The following CNTNAP4 variants were observed in gnomAD, a reference collection of about 807,000 sequenced individuals.
The protein encoded by CNTNAP4 is contactin-associated protein-like 4.
Under a neutral mutation model 148.4 loss-of-function variants are expected in CNTNAP4, and 98 were observed. The observed-to-expected ratio is 0.66, with a 90% CI of 0.56 to 0.78. The LOEUF (loss-of-function observed/expected upper bound fraction) is 0.78, where lower values mean the gene tolerates loss of function less well. CNTNAP4 is among the 30% of genes least tolerant of loss of function. The pLI is 0.00. For synonymous variants in CNTNAP4, 730 were observed against 565.1 expected, an observed-to-expected ratio of 1.29 and a Z score of -4.14; for missense variants, 1,935 against 1,565.6, an observed-to-expected ratio of 1.24 and a Z score of -3.98.
intron 17 of CNTNAP4, among the ~76,000 whole-genome samples, chr16:76,528,900 G>A (rs2083855379): frequency 6.6e-6 from 1 of 152,182 alleles, no homozygotes. Context: ...CAGATCAGAA[G>A]GCTTTTGAGC....
intron 4 of CNTNAP4, among the ~76,000 whole-genome samples, chr16:76,446,705 C>T (rs977069330): frequency 6.6e-6 from 1 of 152,070 alleles, no homozygotes; most frequent in Non-Finnish European, 1.5e-5. Context: ...TAGTATTGCC[C>T]TTAAATACTA....
chr16:76,421,338 C>T (rs902880325), intron 3 of CNTNAP4, among the ~76,000 whole-genome samples: 7 of 151,922 alleles, frequency 4.6e-5, no homozygotes, highest in South Asian at 2.1e-4. Flanking sequence ...ATGTATTATA[C>T]GTGCAGCTCA....
intron 15 of CNTNAP4, among the ~76,000 whole-genome samples, chr16:76,517,639 A>G (rs963797747): frequency 1.3e-5 from 2 of 152,236 alleles, no homozygotes; most frequent in African/African-American, 4.8e-5. Context: ...TGTTTTTTAA[A>G]TACTGTTCCT....
At chr16:76,555,893 A>T (rs1183633230) in intron 23 of CNTNAP4, among the ~76,000 whole-genome samples, 1 of 152,184 alleles carries the variant, frequency 6.6e-6, no homozygotes, top group Non-Finnish European at 1.5e-5. Flanking sequence ...GAAGCAGAGC[A>T]TCTGGTAATG....
At chr16:76,415,417 C>T (rs1205202324) in intron 3 of CNTNAP4, among the ~76,000 whole-genome samples, 3 of 150,812 alleles carry the variant, frequency 2.0e-5, no homozygotes, top group Non-Finnish European at 4.5e-5. Flanking sequence ...ATAAAATAAT[C>T]ATAGGCTATT....
In CNTNAP4 at chr16:76,355,365, C is replaced by T; in HGVS notation, c.244C>T (p.Gln82Ter). The change falls in exon 3 of 24, where the codon CAG becomes TAG. Residue 82 changes from glutamine (Q) to a stop codon, truncating the protein, a stop_gained. Coordinates refer to ENST00000611870, the MANE Select transcript of CNTNAP4 (RefSeq NM_033401.5). LOFTEE classifies it high-confidence loss of function. ...PLVSNKYQWL[Q>*]IDLGERMEVT... ...TGTGTCTAACAAATACCAGTGGTTG[C>T]AGATTGACCTTGGAGAGAGAATGGA... is the stretch of plus-strand genomic sequence containing the variant. The T allele has an allele frequency of 6.2e-7, 1 of 1,603,674 alleles. No individual in the cohort carries two copies. The highest frequency in any genetic ancestry group is 8.5e-7 in the Non-Finnish European group (1 of 1,174,630).
intron 3 of CNTNAP4, among the ~76,000 whole-genome samples, chr16:76,381,824 G>T (rs1353935298): frequency 6.6e-6 from 1 of 152,124 alleles, no homozygotes; most frequent in African/African-American, 2.4e-5. Flanking sequence ...ACTTTGGGAG[G>T]CCAAGGTGGA....
At chr16:76,497,404 A>T (rs1234852756) in intron 14 of CNTNAP4, among the ~76,000 whole-genome samples, 1 of 152,198 alleles carries the variant, frequency 6.6e-6, no homozygotes, top group Admixed American at 6.5e-5. Context: ...TACAATAAAT[A>T]TAGCTAAAAT....
chr16:76,310,667 G>C (rs7201435), intron 1 of CNTNAP4, among the ~76,000 whole-genome samples: 41,880 of 152,046 alleles, frequency 0.28, 6,374 homozygotes, highest in Non-Finnish European at 0.35. Context: ...AGTCTGTTCT[G>C]TAATGGATAT....
intron 4 of CNTNAP4, among the ~76,000 whole-genome samples, chr16:76,441,904 C>G (rs1162211357): frequency 1.3e-5 from 2 of 152,084 alleles, no homozygotes; most frequent in Non-Finnish European, 2.9e-5. Flanking sequence ...CCTAAGAAGA[C>G]TATACTATTA....
At chr16:76,429,540 T>G (rs749889503) in intron 4 of CNTNAP4, among the ~76,000 whole-genome samples, 22 of 152,190 alleles carry the variant, frequency 1.4e-4, no homozygotes, top group South Asian at 4.1e-4. Flanking sequence ...ACCCTTAGTA[T>G]GCATTAAACC....
At chr16:76,499,503 T>C (rs988459213) in intron 15 of CNTNAP4, among the ~76,000 whole-genome samples, 2 of 152,072 alleles carry the variant, frequency 1.3e-5, no homozygotes, top group African/African-American at 4.8e-5. Flanking sequence ...CGCTGTTTAT[T>C]TCTATAGAGC....
intron 12 of CNTNAP4, among the ~76,000 whole-genome samples, chr16:76,482,767 C>T (rs901142114): frequency 2.0e-5 from 3 of 152,164 alleles, no homozygotes; most frequent in Admixed American, 6.5e-5. Context: ...AGTACAAATG[C>T]CCAGACAGCA....
intron 2 of CNTNAP4, among the ~76,000 whole-genome samples, chr16:76,333,779 G>GTTT (rs549878036): frequency 1.5e-3 from 68 of 45,548 alleles, no homozygotes; most frequent in Admixed American, 1.6e-3. Context: ...TGGGTTATAG[G>GTTT]TTTTTTTTTT....
chr16:76,482,866 A>T (rs1174485437), intron 12 of CNTNAP4, among the ~76,000 whole-genome samples: 1 of 152,184 alleles, frequency 6.6e-6, no homozygotes, highest in Non-Finnish European at 1.5e-5. Flanking sequence ...TCTTATGTGT[A>T]CTTAGGTTTG....
At chr16:76,400,084 A>C (rs2078353478) in intron 3 of CNTNAP4, among the ~76,000 whole-genome samples, 1 of 152,228 alleles carries the variant, frequency 6.6e-6, no homozygotes. Context: ...ATATTTGTAC[A>C]GCCCCATAGA....
chr16:76,411,245 G>A (rs974474374), intron 3 of CNTNAP4, among the ~76,000 whole-genome samples: 5 of 151,296 alleles, frequency 3.3e-5, no homozygotes, highest in South Asian at 2.1e-4. Flanking sequence ...TTGATTGCGA[G>A]TCTCTTTCTA....
intron 3 of CNTNAP4, among the ~76,000 whole-genome samples, chr16:76,405,511 G>A (rs2078571547): frequency 6.6e-6 from 1 of 152,144 alleles, no homozygotes; most frequent in African/African-American, 2.4e-5. Flanking sequence ...TTGTATATGA[G>A]TTATATACTG....
chr16:76,283,795 A>G (rs1004072924), intron 1 of CNTNAP4, among the ~76,000 whole-genome samples: 1 of 152,034 alleles, frequency 6.6e-6, no homozygotes, highest in Non-Finnish European at 1.5e-5. Flanking sequence ...CTGCACTTGT[A>G]CCCCTGAACT....
Sources: allele counts gnomAD v4.1 joint callset (sites outside exome capture counted in the v4.1 genomes callset), GRCh38; gene constraint gnomAD v4.1.1; transcripts MANE v1.5; gene names NCBI Gene and HGNC (gene_info 2026-07-23, HGNC 2026-07-21).